LINGO2: variants seen among roughly 807,000 people sequenced by gnomAD.
LINGO2 encodes leucine-rich repeat and immunoglobulin-like domain-containing nogo receptor-interacting protein 2.
A neutral mutation model predicts 30.6 loss-of-function variants in LINGO2; 14 were observed. The ratio of observed to expected loss-of-function variants is 0.46; its 90% CI spans 0.30 to 0.72. The LOEUF is 0.72. LINGO2 is among the 30% of genes least tolerant of loss of function. LINGO2 has a pLI of 0.07. For synonymous variants in LINGO2, 317 were observed against 288.5 expected (o/e 1.10, Z -1.00); for missense variants, 729 against 751.7 (o/e 0.97, Z 0.35).
chr9:29,123,404 T>C, the LINGO2 span, among the ~76,000 whole-genome samples: 1 of 152,128 alleles, frequency 6.6e-6, no homozygotes, highest in South Asian at 2.1e-4. Flanking sequence ...AATATCAAAA[T>C]TAGAGAAGCT....
chr9:28,351,751 A>G (rs1178621711), intron 3 of LINGO2, among the ~76,000 whole-genome samples: 2 of 152,172 alleles, frequency 1.3e-5, no homozygotes, highest in African/African-American at 2.4e-5. Context: ...AAAATCCTCA[A>G]TAAAATACTG....
chr9:29,076,031 AT>A, the LINGO2 span, among the ~76,000 whole-genome samples: 29,726 of 146,692 alleles, frequency 0.2, 3,039 homozygotes, highest in African/African-American at 0.25. Context: ...ACCACATCTG[AT>A]TTTTTTTTTT....
At chr9:28,256,752 G>A (rs1262483085) in intron 4 of LINGO2, among the ~76,000 whole-genome samples, 1 of 151,824 alleles carries the variant, frequency 6.6e-6, no homozygotes, top group Admixed American at 6.6e-5. Flanking sequence ...AATCTTCATT[G>A]TTTTAGGCTA....
At position 28,384,598 on chromosome 9, in the gene LINGO2, C is replaced by T. The variant is rs541588810; in HGVS notation, c.-278-11730G>A. On this transcript the variant is annotated intron_variant, in intron 2 of 5. Coordinates refer to ENST00000379992, the Ensembl canonical transcript of LINGO2. ...TTCATTGAATTTCACTCCTCAAATA[C>T]GTCTGTCATGTTGGCATTATCATTC... 1.6e-3 allele frequency among the ~76,000 whole-genome samples: 240 copies of T among 151,926 alleles called. 1 individual carries two copies. The highest frequency in any genetic ancestry group is 2.5e-3 in the Non-Finnish European group (170 of 67,962).
Position 28,314,508 on chromosome 9 carries a change from C to T in LINGO2, c.-245-19142G>A, listed in dbSNP as rs539716044. On this transcript the variant is annotated intron_variant, in intron 3 of 5. Coordinates refer to ENST00000379992, the Ensembl canonical transcript of LINGO2. The stretch of plus-strand genomic sequence containing the variant: ...TTGAGTGTCTCTGTGTTCAAGGCAC[C>T]GAGTTTATTTTACAGATAAAGAAAC... Among the ~76,000 whole-genome samples the T allele has an allele frequency of 3.3e-5, 5 of 152,160 alleles. No individual in the cohort carries two copies. The South Asian group carries it at 1.0e-3, about 32-fold the overall frequency.
intron 4 of LINGO2, among the ~76,000 whole-genome samples, chr9:28,257,886 A>T (rs1051737569): frequency 3.9e-5 from 6 of 151,912 alleles, no homozygotes; most frequent in Admixed American, 2.6e-4. Flanking sequence ...ATGTAACATT[A>T]ATCCTTTTAT....
At position 28,472,966 on chromosome 9, in the gene LINGO2, C is replaced by T. The variant is rs114252557; in HGVS notation, c.-279+2974G>A. On this transcript the variant is annotated intron_variant, in intron 2 of 5. Coordinates refer to ENST00000379992, the Ensembl canonical transcript of LINGO2. ...TCAATGCATACACAAGGATGGAAAA[C>T]AATTTTCTAAAACATTTTTTCTGCT... Among the ~76,000 whole-genome samples the T allele has an allele frequency of 2.2e-3, 331 of 152,218 alleles. 5 individuals carry two copies. The highest frequency in any genetic ancestry group is 7.5e-3 in the African/African-American group (311 of 41,548).
intron 3 of LINGO2, among the ~76,000 whole-genome samples, chr9:28,348,513 C>T (rs1303006674): frequency 6.6e-6 from 1 of 152,146 alleles, no homozygotes; most frequent in East Asian, 1.9e-4. Flanking sequence ...CACAGAGTCT[C>T]GCTGATTGCT....
intron 1 of LINGO2, among the ~76,000 whole-genome samples, chr9:28,509,916 T>C (rs766829621): frequency 6.6e-6 from 1 of 152,218 alleles, no homozygotes; most frequent in Non-Finnish European, 1.5e-5. Flanking sequence ...TTTTTGAAGA[T>C]AAACAAAACA....
chr9:28,507,924 G>A (rs979345200), intron 1 of LINGO2, among the ~76,000 whole-genome samples: 2 of 151,962 alleles, frequency 1.3e-5, no homozygotes, highest in African/African-American at 4.8e-5. Flanking sequence ...GCAAAGGTAG[G>A]ATGACAGTGA....
the LINGO2 span, among the ~76,000 whole-genome samples, chr9:28,825,718 A>C: frequency 8.6e-5 from 13 of 152,004 alleles, no homozygotes; most frequent in Admixed American, 6.6e-5. Flanking sequence ...TATCTACTTT[A>C]CTTATAGCCT....
intron 4 of LINGO2, among the ~76,000 whole-genome samples, chr9:28,232,960 G>A (rs2133942347): frequency 6.8e-6 from 1 of 146,494 alleles, no homozygotes; most frequent in South Asian, 2.1e-4. Context: ...GATGCGTTTA[G>A]ACTTCTATGA....
intron 1 of LINGO2, among the ~76,000 whole-genome samples, chr9:28,508,151 A>C (rs2135348895): frequency 6.6e-6 from 1 of 152,208 alleles, no homozygotes; most frequent in African/African-American, 2.4e-5. Flanking sequence ...ATTTACATGA[A>C]ATTATCAATA....
intron 2 of LINGO2, among the ~76,000 whole-genome samples, chr9:28,453,400 T>C (rs558205640): frequency 6.6e-6 from 1 of 152,010 alleles, no homozygotes; most frequent in Admixed American, 6.6e-5. Context: ...TCTATTAAAA[T>C]ATAAAGAAAC....
intron 4 of LINGO2, among the ~76,000 whole-genome samples, chr9:28,054,680 C>T (rs898288392): frequency 2.0e-5 from 3 of 151,984 alleles, no homozygotes; most frequent in Admixed American, 2.0e-4. Flanking sequence ...CAGTTGCCTC[C>T]CCTAATTCAC....
chr9:28,548,207 TC>T (rs1437488658), intron 1 of LINGO2, among the ~76,000 whole-genome samples: 4 of 152,070 alleles, frequency 2.6e-5, no homozygotes, highest in Non-Finnish European at 5.9e-5. Context: ...AAGTTAGGTG[TC>T]CATTCTTTGA....
At chr9:28,335,256 TAC>T (rs1825552749) in intron 3 of LINGO2, among the ~76,000 whole-genome samples, 1 of 152,138 alleles carries the variant, frequency 6.6e-6, no homozygotes, top group Non-Finnish European at 1.5e-5. Context: ...AAGGTATTGT[TAC>T]ATTCCATGCA....
intron 2 of LINGO2, among the ~76,000 whole-genome samples, chr9:28,390,255 T>C (rs1423439135): frequency 6.6e-6 from 1 of 152,210 alleles, no homozygotes; most frequent in East Asian, 1.9e-4. Context: ...ATCCAGCAGA[T>C]GACTACAAAA....
chr9:28,607,000 A>C (rs189335175), intron 1 of LINGO2, among the ~76,000 whole-genome samples: 1 of 152,194 alleles, frequency 6.6e-6, no homozygotes, highest in South Asian at 2.1e-4. Context: ...ATTAGAATAC[A>C]TTTACAGCAA....
Sources: gnomAD v4.1 joint callset for allele counts (sites outside exome capture counted in the v4.1 genomes callset) on GRCh38, gnomAD v4.1.1 for gene constraint, MANE v1.5 for transcripts, NCBI Gene and HGNC (gene_info 2026-07-23, HGNC 2026-07-21) for gene names.